The following FUBP1 variants were observed in gnomAD, a reference collection of about 807,000 sequenced individuals.
FUBP1 encodes the protein far upstream element-binding protein 1.
A neutral mutation model predicts 94.9 loss-of-function variants in FUBP1; 16 were observed. The ratio of observed to expected loss-of-function variants is 0.17; its 90% CI spans 0.11 to 0.26. The LOEUF is 0.26. Among genes scored for constraint, FUBP1 ranks in the 10% least tolerant of loss-of-function variants. The probability of loss-of-function intolerance (pLI) is 1.00; values close to 1 mark genes in which losing one functional copy is unlikely to be tolerated. For synonymous variants in FUBP1, 279 were observed against 254.9 expected, an observed-to-expected ratio of 1.09 and a Z score of -0.90; for missense variants, 583 against 808.6, an observed-to-expected ratio of 0.72 and a Z score of 3.38.
intron 1 of FUBP1, among the ~76,000 whole-genome samples, chr1:77,975,574 TA>T (rs1212266968): frequency 3.9e-5 from 6 of 152,246 alleles, no homozygotes; most frequent in Non-Finnish European, 7.3e-5. Flanking sequence ...TGAGGGTTAA[TA>T]GTCTCGCTTA....
intron 16 of FUBP1, 53 bp from the exon 17 acceptor site, chr1:77,956,753 A>AC (rs1299196303): frequency 1.8e-6 from 2 of 1,082,988 alleles, no homozygotes; most frequent in Non-Finnish European, 2.6e-6. Flanking sequence ...ATTCTCTCTC[A>AC]CACACACACA....
chr1:77,965,855 C>G (rs943986962), intron 7 of FUBP1, among the ~76,000 whole-genome samples: 1 of 152,032 alleles, frequency 6.6e-6, no homozygotes, highest in South Asian at 2.1e-4. Context: ...GAGACCATCC[C>G]GGCCAACATG....
intron 1 of FUBP1, among the ~76,000 whole-genome samples, chr1:77,972,666 G>A (rs992423084): frequency 6.6e-6 from 1 of 151,712 alleles, no homozygotes; most frequent in African/African-American, 2.4e-5. Flanking sequence ...GGAGGCTCAG[G>A]CAGGAGAATC....
At position 77,960,352 on chromosome 1, in the gene FUBP1, C is replaced by A. The variant is rs761229277; in HGVS notation, c.1488G>T (p.Pro496=). The part of the protein sequence containing the change: ...PAPYNPGPPG[P]APHGPPAPYA... Reference sequence around the variant, plus strand: ...CTAAACCCAATACTTACTGAGGAGCCGGGCCTGGTGGTCCAGGATTATAAG... The same window carrying A: ...CTAAACCCAATACTTACTGAGGAGCAGGGCCTGGTGGTCCAGGATTATAAG... Residue 496 remains proline, a synonymous_variant, in exon 15 of 20, where the codon CCG becomes CCT. Transcript: ENST00000370768. 10 of 1,610,618 alleles carry A rather than the reference C, an allele frequency of 6.2e-6. No individual in the cohort carries two copies. In the South Asian group the frequency reaches 8.8e-5, roughly 14 times the overall value.
At chr1:77,964,843 C>G in intron 9 of FUBP1, 27 bp downstream of exon 9, 1 of 1,535,136 alleles carries the variant, frequency 6.5e-7, no homozygotes, top group Non-Finnish European at 9.0e-7. Context: ...CCCACTCTTT[C>G]TTTATAAAGT....
At chr1:77,970,431 T>G (rs1276927832) in intron 1 of FUBP1, among the ~76,000 whole-genome samples, 2 of 152,206 alleles carry the variant, frequency 1.3e-5, no homozygotes, top group Admixed American at 6.5e-5. Context: ...TATTGAGTAC[T>G]CAAAATGTGA....
intron 1 of FUBP1, among the ~76,000 whole-genome samples, chr1:77,973,232 C>CT (rs1192364726): frequency 1.3e-5 from 2 of 151,810 alleles, no homozygotes; most frequent in Admixed American, 1.3e-4. Flanking sequence ...GTGTGGGAAA[C>CT]TTTTTACTTT....
intron 1 of FUBP1, among the ~76,000 whole-genome samples, chr1:77,974,135 T>TG (rs1658140266): frequency 1.7e-5 from 2 of 114,990 alleles, no homozygotes; most frequent in South Asian, 5.3e-4. Context: ...AATTTTTTGG[T>TG]TTTTTTTTTT....
At chr1:77,956,164 T>C (rs1654423140) in intron 17 of FUBP1, among the ~76,000 whole-genome samples, 1 of 152,228 alleles carries the variant, frequency 6.6e-6, no homozygotes, top group African/African-American at 2.4e-5. Context: ...GAGGGCTGTA[T>C]GATGGTTATG....
chr1:77,964,304 A>C lies in FUBP1; in HGVS notation c.890T>G (p.Met297Arg). ...VGIVIGRNGE[M>R]IKKIQNDAGV... ...AGCATCATTTTGTATTTTTTTGATCATCTCTCCATTTCTTCCTATTACAAT... is the reference window on the plus strand; with the variant it reads ...AGCATCATTTTGTATTTTTTTGATCCTCTCTCCATTTCTTCCTATTACAAT... The change falls in exon 11 of 20, where the codon ATG becomes AGG. Residue 297 changes from methionine to arginine, a missense_variant. Coordinates refer to ENST00000370768, the MANE Select transcript of FUBP1 (RefSeq NM_003902.5). 6.2e-7 allele frequency: 1 copy of C among 1,608,908 alleles called. No homozygotes were observed.
Position 77,949,151 on chromosome 1 carries a change from A to T in FUBP1, c.1926+4T>A. On this transcript the variant is annotated splice_donor_region_variant and intron_variant, in intron 19 of 19. Coordinates refer to ENST00000370768, the MANE Select transcript of FUBP1 (RefSeq NM_003902.5). ...AAATCAACAAATTAGCAATTACATT[A>T]TACCTGAGGTGCTGGAGGATGCTGT... The T allele has an allele frequency of 6.2e-7, 1 of 1,610,790 alleles. No individual in the cohort carries two copies. Among genetic ancestry groups the T allele is most frequent in the Non-Finnish European group, 8.5e-7 (1 of 1,177,572 alleles).
rs1166509729 is a variant in FUBP1 at position 77,954,434 on chromosome 1, A to G, written c.1780+821T>C. ...CTAGGAAGCCATTCTAAGAGGAAAA[A>G]CAATTTTTCTTTAAAAAGAAACCAG... On this transcript the variant is annotated intron_variant, in intron 18 of 19. Transcript: ENST00000370768. Among the ~76,000 whole-genome samples, 4 of 152,218 alleles carry G rather than the reference A, an allele frequency of 2.6e-5. No individual in the cohort carries two copies. The East Asian group carries it at 7.7e-4, about 29-fold the overall frequency.
chr1:77,955,627 C>CAA, intron 17 of FUBP1, among the ~76,000 whole-genome samples: 1 of 152,110 alleles, frequency 6.6e-6, no homozygotes, highest in East Asian at 1.9e-4. Flanking sequence ...CGTTTGTAAA[C>CAA]AAGTACAAAA....
Position 77,947,379 on chromosome 1 carries a change from G to A in FUBP1, c.*1387C>T, listed in dbSNP as rs1652386502. The A allele has an allele frequency of 2.0e-6, 1 of 500,542 alleles. No homozygotes were observed. The highest frequency in any genetic ancestry group is 2.3e-5 in the Admixed American group (1 of 42,880). The allele number at this position is 500,542 out of a possible 1,614,324, so 31.0% of individuals were successfully genotyped here. ...CAACATAATATTCACACAACGTATG[G>A]CATTTGCATTATGTGGAACATTGAC... On this transcript the variant is annotated 3_prime_UTR_variant, in exon 20 of 20. Coordinates refer to ENST00000370768, the MANE Select transcript of FUBP1 (RefSeq NM_003902.5).
Position 77,947,866 on chromosome 1 carries a change from T to C in FUBP1, c.*900A>G. ...TGTAGCTATACTTTTTGCACACTAT[T>C]CACTTTTCTATCCTAAATTTAGAAA... On this transcript the variant is annotated 3_prime_UTR_variant, in exon 20 of 20. Transcript: ENST00000370768. 1 of 1,101,254 alleles carries C rather than the reference T, an allele frequency of 9.1e-7. No homozygotes were observed. Among genetic ancestry groups the C allele is most frequent in the East Asian group, 4.6e-5 (1 of 21,776 alleles). The allele number at this position is 1,101,254 out of a possible 1,614,324, so 68.2% of individuals were successfully genotyped here.
intron 1 of FUBP1, among the ~76,000 whole-genome samples, chr1:77,978,197 C>A (rs1557488110): frequency 6.6e-6 from 1 of 152,226 alleles, no homozygotes; most frequent in Non-Finnish European, 1.5e-5. Context: ...GTGGTGCCTT[C>A]AGGGCAAATG....
At chr1:77,958,517 G>A (rs1207850404) in intron 16 of FUBP1, among the ~76,000 whole-genome samples, 1 of 152,120 alleles carries the variant, frequency 6.6e-6, no homozygotes, top group African/African-American at 2.4e-5. Flanking sequence ...TCTAATATAA[G>A]CAATATCCAC....
At chr1:77,951,614 A>T (rs1157953062) in intron 18 of FUBP1, among the ~76,000 whole-genome samples, 3 of 152,182 alleles carry the variant, frequency 2.0e-5, no homozygotes, top group Non-Finnish European at 1.5e-5. Context: ...CAGTGGTGTG[A>T]TCATGGCTTA....
intron 13 of FUBP1, among the ~76,000 whole-genome samples, chr1:77,963,370 G>A (rs1655876263): frequency 1.3e-5 from 2 of 152,286 alleles, no homozygotes; most frequent in South Asian, 4.1e-4. Flanking sequence ...TTCTCTAGAA[G>A]CTAGTAAGAT....
Sources: gnomAD v4.1 joint callset for allele counts (sites outside exome capture counted in the v4.1 genomes callset) on GRCh38, gnomAD v4.1.1 for gene constraint, MANE v1.5 for transcripts, NCBI Gene and HGNC (gene_info 2026-07-23, HGNC 2026-07-21) for gene names.